Variants in PODXL2 observed in about 807,000 individuals in gnomAD.
PODXL2 encodes podocalyxin-like protein 2.
In PODXL2, 17 loss-of-function variants were observed where a neutral mutation model predicts 53.4. The observed-to-expected ratio is 0.32, with a 90% CI of 0.22 to 0.48. The LOEUF (loss-of-function observed/expected upper bound fraction) is 0.48, where lower values mean the gene tolerates loss of function less well. Among genes scored for constraint, PODXL2 ranks in the 20% least tolerant of loss-of-function variants. The probability of loss-of-function intolerance (pLI) is 0.99; values close to 1 mark genes in which losing one functional copy is unlikely to be tolerated. For missense variants in PODXL2, 673 were observed against 760.0 expected (o/e 0.89, Z 1.35); for synonymous variants, 311 against 306.7 (o/e 1.01, Z -0.15).
chr3:127,660,560 G>A lies in PODXL2; in HGVS notation c.532G>A (p.Val178Ile), dbSNP rs1305029509. The change falls in exon 3 of 8, where the codon GTA becomes ATA. Residue 178 changes from valine to isoleucine, a missense_variant. Physicochemically the swap from Val to Ile is conservative, Grantham distance 29. This residue lies in a region of PODXL2 where 588 missense variants were observed against 668.3 expected (regional missense o/e 0.88). Coordinates refer to ENST00000342480, the MANE Select transcript of PODXL2 (RefSeq NM_015720.4). ...AGAGGAGGAGAGGGAGAAGGAAGAGGTAGAGAAACAAGAGGAGGAGGAAGA... is the reference window on the plus strand; with the variant it reads ...AGAGGAGGAGAGGGAGAAGGAAGAGATAGAGAAACAAGAGGAGGAGGAAGA... ...EEEEEREKEEVEKQEEEEEEE... is the reference protein window; with the variant it reads ...EEEEEREKEEIEKQEEEEEEE... The A allele has an allele frequency of 1.2e-6, 2 of 1,613,844 alleles. No homozygotes were observed. The highest frequency in any genetic ancestry group is 1.7e-6 in the Non-Finnish European group (2 of 1,179,856).
In PODXL2 at chr3:127,672,648, GA is replaced by G; in HGVS notation, c.*169del. On this transcript the variant is annotated 3_prime_UTR_variant, in exon 8 of 8. Transcript: ENST00000342480. ...CCCCCGACTTCACACGGCGGCTTCGGACCAACTCCCTCACTCCCGCCCGAGG... is the reference window on the plus strand; with the variant it reads ...CCCCCGACTTCACACGGCGGCTTCGGCCAACTCCCTCACTCCCGCCCGAGG... 2.0e-6 allele frequency: 1 copy of G among 500,934 alleles called. No individual in the cohort carries two copies. The highest frequency in any genetic ancestry group is 5.2e-4 in the Middle Eastern group (1 of 1,936). The allele number at this position is 500,934 out of a possible 1,614,324, so 31.0% of individuals were successfully genotyped here.
intron 6 of PODXL2, 146 bp downstream of exon 6, chr3:127,669,348 C>A: frequency 1.6e-6 from 1 of 617,390 alleles, no homozygotes. Flanking sequence ...TGCTTCAGGC[C>A]TCCCTTAGAC....
At chr3:127,668,883 AGG>A (rs927366800) in intron 5 of PODXL2, among the ~76,000 whole-genome samples, 2 of 152,154 alleles carry the variant, frequency 1.3e-5, no homozygotes, top group African/African-American at 4.8e-5. Flanking sequence ...GCAGGGGAGA[AGG>A]GGTGTGTTCA....
chr3:127,653,487 A>G (rs1298798729), intron 2 of PODXL2, among the ~76,000 whole-genome samples: 1 of 152,184 alleles, frequency 6.6e-6, no homozygotes, highest in Admixed American at 6.5e-5. Context: ...TCTACTAAAA[A>G]TACAAAAAAT....
intron 2 of PODXL2, among the ~76,000 whole-genome samples, chr3:127,653,717 A>T (rs890544328): frequency 2.1e-4 from 32 of 152,020 alleles, no homozygotes; most frequent in Admixed American, 2.1e-3. Flanking sequence ...TCCTTATTTT[A>T]AAAAATTTTC....
chr3:127,665,966 A>G (rs1471545805), intron 4 of PODXL2: 1 of 466,670 alleles, frequency 2.1e-6, no homozygotes, highest in Non-Finnish European at 4.3e-6. Context: ...GCTCATGGCT[A>G]CTGGGGTGTC....
intron 4 of PODXL2, among the ~76,000 whole-genome samples, chr3:127,665,548 C>G (rs1038808439): frequency 6.6e-6 from 1 of 152,080 alleles, no homozygotes; most frequent in Non-Finnish European, 1.5e-5. Flanking sequence ...AACAGGAAAT[C>G]CAGAGGTGGT....
At position 127,672,746 on chromosome 3, in the gene PODXL2, G is replaced by A. The variant is rs2074864395; in HGVS notation, c.*266G>A. On this transcript the variant is annotated 3_prime_UTR_variant, in exon 8 of 8. Coordinates refer to ENST00000342480, the MANE Select transcript of PODXL2 (RefSeq NM_015720.4). ...CCCGGCCCCGCGGGCGGCGGGCGGC[G>A]CTTCCTGCGCCCCGGGACTCAATTA... 1 of 407,284 alleles carries A rather than the reference G, an allele frequency of 2.5e-6. No homozygotes were observed. The allele number at this position is 407,284 out of a possible 1,614,324, so 25.2% of individuals were successfully genotyped here.
At chr3:127,668,098 CTGCGTGTGTGTGTGTGTGTGTGTGTGTG>C (rs952302273) in intron 4 of PODXL2, among the ~76,000 whole-genome samples, 3 of 117,136 alleles carry the variant, frequency 2.6e-5, no homozygotes, top group Admixed American at 9.5e-5. Flanking sequence ...CTGTACATGG[CTGCGTGTGTGTGTGTGTGTGTGTGTGTG>C]TGTGTGTGTG....
chr3:127,638,117 G>A (rs531512963), intron 1 of PODXL2, among the ~76,000 whole-genome samples: 4 of 152,270 alleles, frequency 2.6e-5, no homozygotes, highest in Admixed American at 6.5e-5. Flanking sequence ...ATCTGGTGAG[G>A]AGACTGAGAC....
chr3:127,641,657 G>A (rs890201458), intron 2 of PODXL2, among the ~76,000 whole-genome samples: 1 of 151,512 alleles, frequency 6.6e-6, no homozygotes, highest in South Asian at 2.1e-4. Context: ...GGGATCATAG[G>A]CATGTGCCAC....
intron 2 of PODXL2, among the ~76,000 whole-genome samples, chr3:127,655,729 T>C (rs2074720070): frequency 2.0e-5 from 3 of 152,242 alleles, no homozygotes; most frequent in Non-Finnish European, 4.4e-5. Context: ...CAAGTGCCAG[T>C]GAGCAAGCGT....
Position 127,629,358 on chromosome 3 carries a change from C to T in PODXL2, c.70+69C>T, listed in dbSNP as rs1382602383. The T allele has an allele frequency of 2.0e-6, 2 of 996,592 alleles. No homozygotes were observed. The highest frequency in any genetic ancestry group is 1.8e-5 in the African/African-American group (1 of 57,010). 61.7% of individuals were successfully genotyped at this position (996,592 alleles called of 1,614,324 possible). A position where few individuals can be genotyped will look rare whatever the true frequency, so the allele number is the denominator to read the frequency against. On this transcript the variant is annotated intron_variant, in intron 1 of 7. Coordinates refer to ENST00000342480, the MANE Select transcript of PODXL2 (RefSeq NM_015720.4). The surrounding 1 kb of genome is among the most constrained non-coding windows in gnomAD (Gnocchi z 6.4). ...GTGGGCGCGGTGCTGGACAGCTCCCCGGGCCGCCAACAAAGGGGCCAGAGT... is the reference window on the plus strand; with the variant it reads ...GTGGGCGCGGTGCTGGACAGCTCCCTGGGCCGCCAACAAAGGGGCCAGAGT...
At chr3:127,641,937 A>G (rs2107705504) in intron 2 of PODXL2, among the ~76,000 whole-genome samples, 1 of 152,076 alleles carries the variant, frequency 6.6e-6, no homozygotes, top group South Asian at 2.1e-4. Flanking sequence ...ATCCTTACAC[A>G]TTTTCGCACC....
chr3:127,658,599 T>C (rs1339521240), intron 2 of PODXL2, among the ~76,000 whole-genome samples: 1 of 152,184 alleles, frequency 6.6e-6, no homozygotes, highest in Admixed American at 6.5e-5. Context: ...AGTGCATTTT[T>C]AAATTCTTCC....
chr3:127,632,234 C>T (rs1206834469), intron 1 of PODXL2, among the ~76,000 whole-genome samples: 3 of 152,180 alleles, frequency 2.0e-5, no homozygotes, highest in Non-Finnish European at 4.4e-5. Context: ...CAAGCCATTC[C>T]GAGGAGCCAG....
chr3:127,668,667 GAAAA>G, intron 5 of PODXL2, 70 bp downstream of exon 5: 1 of 1,372,650 alleles, frequency 7.3e-7, no homozygotes, highest in Non-Finnish European at 9.6e-7. Context: ...AGGGTCACGG[GAAAA>G]AAGTGCACGC....
At chr3:127,635,592 G>C (rs552620814) in intron 1 of PODXL2, among the ~76,000 whole-genome samples, 1 of 152,292 alleles carries the variant, frequency 6.6e-6, no homozygotes, top group Admixed American at 6.5e-5. Flanking sequence ...AGTGGTTTCA[G>C]ATTCTCAGTT....
At position 127,660,569 on chromosome 3, in the gene PODXL2, C is replaced by CAAGAGGAGGAGG; in HGVS notation, c.553_564dup (p.Glu185_Glu188dup). 1 of 1,613,808 alleles carries CAAGAGGAGGAGG rather than the reference C, an allele frequency of 6.2e-7. No homozygotes were observed. The highest frequency in any genetic ancestry group is 8.5e-7 in the Non-Finnish European group (1 of 1,179,792). ...GAGGGAGAAGGAAGAGGTAGAGAAA[C>CAAGAGGAGGAGG]AAGAGGAGGAGGAAGAGGAGGAGCT... On this transcript the variant is annotated inframe_insertion, in exon 3 of 8. Coordinates refer to ENST00000342480, the MANE Select transcript of PODXL2 (RefSeq NM_015720.4).
Sources: gnomAD v4.1 joint callset for allele counts (sites outside exome capture counted in the v4.1 genomes callset) on GRCh38, gnomAD v4.1.1 for gene constraint, gnomAD v4.1.1 regional missense constraint, Gnocchi (gnomAD v3.1) non-coding constraint, MANE v1.5 for transcripts, NCBI Gene and HGNC (gene_info 2026-07-23, HGNC 2026-07-21) for gene names.